The following GUCA1C variants were observed in gnomAD, a reference collection of about 807,000 sequenced individuals.
GUCA1C encodes the protein guanylyl cyclase-activating protein 3.
A neutral mutation model predicts 16.2 loss-of-function variants in GUCA1C; 15 were observed. The observed-to-expected ratio is 0.93, with a 90% CI of 0.62 to 1.43. The LOEUF (loss-of-function observed/expected upper bound fraction) is 1.43, where lower values mean the gene tolerates loss of function less well. Among genes scored for constraint, GUCA1C ranks in the 40% most tolerant of loss-of-function variants. The probability of loss-of-function intolerance (pLI) is 0.00; values close to 1 mark genes in which losing one functional copy is unlikely to be tolerated. For missense variants in GUCA1C, 275 were observed against 244.8 expected (o/e 1.12, Z -0.82); for synonymous variants, 78 against 85.4 (o/e 0.91, Z 0.48).
intron 1 of GUCA1C, among the ~76,000 whole-genome samples, chr3:108,948,635 T>G (rs1946867456): frequency 6.6e-6 from 1 of 152,214 alleles, no homozygotes; most frequent in Admixed American, 6.5e-5. Flanking sequence ...TCTCAGAATT[T>G]TGGAAGGTTT....
intron 1 of GUCA1C, among the ~76,000 whole-genome samples, chr3:108,922,362 G>A (rs1463187689): frequency 1.3e-5 from 2 of 152,116 alleles, no homozygotes; most frequent in South Asian, 2.1e-4. Flanking sequence ...ACCTAGTAGT[G>A]GGATTGCTGG....
chr3:108,921,351 C>T (rs1355730333), intron 1 of GUCA1C, among the ~76,000 whole-genome samples: 2 of 152,064 alleles, frequency 1.3e-5, no homozygotes, highest in Non-Finnish European at 2.9e-5. Context: ...TCACTTCCTG[C>T]AGGACATTTT....
intron 1 of GUCA1C, among the ~76,000 whole-genome samples, chr3:108,929,260 AC>A (rs1946646754): frequency 6.6e-6 from 1 of 152,156 alleles, no homozygotes; most frequent in Admixed American, 6.5e-5. Context: ...ATGACTGATG[AC>A]TTTTGTATAG....
At chr3:108,922,505 T>G (rs960477308) in intron 1 of GUCA1C, among the ~76,000 whole-genome samples, 1 of 151,152 alleles carries the variant, frequency 6.6e-6, no homozygotes, top group Non-Finnish European at 1.5e-5. Context: ...ACATTTGTTG[T>G]TTTTTTTATT....
chr3:108,916,977 A>T (rs1267160401), intron 2 of GUCA1C, among the ~76,000 whole-genome samples: 1 of 152,246 alleles, frequency 6.6e-6, no homozygotes, highest in African/African-American at 2.4e-5. Flanking sequence ...GGACACAATC[A>T]TAAATATGAC....
chr3:108,913,167 T>C (rs926407520), intron 3 of GUCA1C, among the ~76,000 whole-genome samples: 14 of 151,928 alleles, frequency 9.2e-5, no homozygotes, highest in African/African-American at 3.4e-4. Context: ...ATCTTTACTT[T>C]TGGTTTCAAT....
In GUCA1C at chr3:108,940,489, T is replaced by A. The variant is rs11921037; in HGVS notation, c.204+13070A>T. Among the ~76,000 whole-genome samples the A allele has an allele frequency of 8.0e-3, 1,220 of 152,350 alleles. 19 individuals carry two copies. Among genetic ancestry groups the A allele is most frequent in the African/African-American group, 0.028 (1,175 of 41,586 alleles). On this transcript the variant is annotated intron_variant, in intron 1 of 3. Coordinates refer to ENST00000261047, the MANE Select transcript of GUCA1C (RefSeq NM_005459.4). ...GGGCTCCCAAGCATGAGTCCTGGGT[T>A]ATAGTAAGACGATAGTCAAAATACT...
At chr3:108,949,721 C>A (rs1946879244) in intron 1 of GUCA1C, among the ~76,000 whole-genome samples, 1 of 152,120 alleles carries the variant, frequency 6.6e-6, no homozygotes, top group Non-Finnish European at 1.5e-5. Context: ...ATCATAACCA[C>A]TCAAAAAGTG....
chr3:108,949,079 C>A (rs1946872220), intron 1 of GUCA1C, among the ~76,000 whole-genome samples: 1 of 152,120 alleles, frequency 6.6e-6, no homozygotes, highest in African/African-American at 2.4e-5. Context: ...AACTCCTGAC[C>A]TCAAGTGATT....
intron 1 of GUCA1C, among the ~76,000 whole-genome samples, chr3:108,922,188 CACACACACACACACAT>C (rs1559842400): frequency 0.052 from 2,109 of 40,702 alleles, 43 homozygotes; most frequent in African/African-American, 0.12. Flanking sequence ...CACACACACA[CACACACACACACACAT>C]ATATATATGG....
At chr3:108,951,748 T>C (rs1279514115) in intron 1 of GUCA1C, among the ~76,000 whole-genome samples, 4 of 152,198 alleles carry the variant, frequency 2.6e-5, no homozygotes, top group Non-Finnish European at 4.4e-5. Context: ...CTTTGATGAA[T>C]AGCAGCAGAA....
At position 108,951,809 on chromosome 3, in the gene GUCA1C, G is replaced by A. The variant is rs534209791; in HGVS notation, c.204+1750C>T. Among the ~76,000 whole-genome samples the A allele has an allele frequency of 7.2e-5, 11 of 152,278 alleles. No homozygotes were observed. In the South Asian group the frequency reaches 2.3e-3, roughly 32 times the overall value. On this transcript the variant is annotated intron_variant, in intron 1 of 3. Coordinates refer to ENST00000261047, the MANE Select transcript of GUCA1C (RefSeq NM_005459.4). Reference sequence around the variant, plus strand: ...CTGGGATGGGTCGGGCCATTCCTGTGGTGGACACTGAGAGGGCTCTCACAC... The same window carrying A: ...CTGGGATGGGTCGGGCCATTCCTGTAGTGGACACTGAGAGGGCTCTCACAC...
intron 1 of GUCA1C, among the ~76,000 whole-genome samples, chr3:108,946,905 A>T (rs2107317244): frequency 6.6e-6 from 1 of 152,024 alleles, no homozygotes; most frequent in African/African-American, 2.4e-5. Flanking sequence ...AAAAAAAAAA[A>T]AAAAAAGTAT....
intron 1 of GUCA1C, among the ~76,000 whole-genome samples, chr3:108,939,845 C>T (rs964638931): frequency 2.0e-5 from 3 of 152,158 alleles, no homozygotes; most frequent in Admixed American, 6.5e-5. Context: ...GCTTAAAAAA[C>T]AAAACATTGT....
intron 1 of GUCA1C, among the ~76,000 whole-genome samples, chr3:108,925,360 A>T (rs1281291482): frequency 6.6e-6 from 1 of 152,300 alleles, no homozygotes; most frequent in South Asian, 2.1e-4. Flanking sequence ...TTAAATTTCC[A>T]TCTTAATCTC....
At chr3:108,949,327 T>A (rs1025277177) in intron 1 of GUCA1C, among the ~76,000 whole-genome samples, 7 of 152,206 alleles carry the variant, frequency 4.6e-5, no homozygotes, top group Non-Finnish European at 1.0e-4. Flanking sequence ...GACCATGGTG[T>A]CAATCTGATC....
intron 1 of GUCA1C, among the ~76,000 whole-genome samples, chr3:108,939,323 G>GCTTTTTTTTTTTTTT (rs1946761140): frequency 3.0e-5 from 1 of 33,226 alleles, no homozygotes; most frequent in Non-Finnish European, 7.9e-5. Context: ...TTGCTTCAAG[G>GCTTTTTTTTTTTTTT]CTTTTTTTTT....
At chr3:108,915,885 C>A (rs950208217) in intron 3 of GUCA1C, 4 of 510,592 alleles carry the variant, frequency 7.8e-6, no homozygotes, top group Non-Finnish European at 1.4e-5. Context: ...TTTATTTGCT[C>A]ATCTCACCTT....
chr3:108,923,760 A>G (rs1946592647), intron 1 of GUCA1C, among the ~76,000 whole-genome samples: 1 of 152,110 alleles, frequency 6.6e-6, no homozygotes, highest in Non-Finnish European at 1.5e-5. Flanking sequence ...CATTTTCACA[A>G]TATTGATTCT....
Sources: gnomAD v4.1 joint callset for allele counts (sites outside exome capture counted in the v4.1 genomes callset) on GRCh38, gnomAD v4.1.1 for gene constraint, MANE v1.5 for transcripts, NCBI Gene and HGNC (gene_info 2026-07-23, HGNC 2026-07-21) for gene names.